CBX1: variants seen among roughly 807,000 people sequenced by gnomAD.
The protein encoded by CBX1 is chromobox 1.
Under a neutral mutation model 25.1 loss-of-function variants are expected in CBX1, and 10 were observed. The ratio of observed to expected loss-of-function variants is 0.40; its 90% CI spans 0.25 to 0.68. The LOEUF is 0.68. Among genes scored for constraint, CBX1 ranks in the 30% least tolerant of loss-of-function variants. The pLI, the probability that CBX1 is intolerant of heterozygous loss-of-function variation, is 0.40. For synonymous variants in CBX1, 63 were observed against 79.4 expected, an observed-to-expected ratio of 0.79 and a Z score of 1.10; for missense variants, 106 against 218.5, an observed-to-expected ratio of 0.49 and a Z score of 3.25.
rs545467848 is a variant in CBX1, at chr17:48,082,661, G to A, written c.-37-5620C>T. Among the ~76,000 whole-genome samples the A allele has an allele frequency of 2.6e-4, 38 of 146,732 alleles. 1 individual carries two copies. The highest frequency in any genetic ancestry group is 9.7e-4 in the African/African-American group (37 of 37,960). Reference sequence around the variant, plus strand: ...AAATGATCCTCTTCCTTAGCCTCCCGAGTAGCTGGGACTACAGATGCACAC... The same window carrying A: ...AAATGATCCTCTTCCTTAGCCTCCCAAGTAGCTGGGACTACAGATGCACAC... On this transcript the variant is annotated intron_variant, in intron 1 of 4. Transcript: ENST00000225603.
rs1225345472 is a variant in CBX1, at chr17:48,070,376, A to G, written c.*1059T>C. 1 of 152,618 alleles carries G rather than the reference A, an allele frequency of 6.6e-6. No homozygotes were observed. Among genetic ancestry groups the G allele is most frequent in the African/African-American group, 2.4e-5 (1 of 41,460 alleles). 9.5% of individuals were successfully genotyped at this position (152,618 alleles called of 1,614,324 possible). ...TTGAAATCACTAAACTCTTGGATCAATTCAGTGAAACTTGTGCTGTCAGTG... is the reference window on the plus strand; with the variant it reads ...TTGAAATCACTAAACTCTTGGATCAGTTCAGTGAAACTTGTGCTGTCAGTG... On this transcript the variant is annotated 3_prime_UTR_variant, in exon 5 of 5. Coordinates refer to ENST00000225603, the MANE Select transcript of CBX1 (RefSeq NM_001127228.2).
chr17:48,099,141 G>C (rs141459276), intron 1 of CBX1, among the ~76,000 whole-genome samples: 2 of 151,930 alleles, frequency 1.3e-5, no homozygotes, highest in Admixed American at 6.6e-5. Context: ...TCGCTCTGTT[G>C]CCCGGGCTGG....
rs564729035 is a variant in CBX1, at chr17:48,084,155, T to C, written c.-37-7114A>G. 2.3e-4 allele frequency among the ~76,000 whole-genome samples: 34 copies of C among 148,736 alleles called. No individual in the cohort carries two copies. The East Asian group carries it at 6.6e-3, about 29-fold the overall frequency. On this transcript the variant is annotated intron_variant, in intron 1 of 4. Transcript: ENST00000225603. ...CCTGGCTAATTTTTTCAATTTTTTCTGGTGGAGACAAGGTGTTCCTATGTT... is the reference window on the plus strand; with the variant it reads ...CCTGGCTAATTTTTTCAATTTTTTCCGGTGGAGACAAGGTGTTCCTATGTT...
At chr17:48,089,258 G>A (rs1368351101) in intron 1 of CBX1, among the ~76,000 whole-genome samples, 2 of 151,102 alleles carry the variant, frequency 1.3e-5, no homozygotes, top group South Asian at 2.1e-4. Context: ...CTGCCACCAC[G>A]CCCGGCTAAT....
At chr17:48,095,462 G>A (rs1361764368) in intron 1 of CBX1, among the ~76,000 whole-genome samples, 2 of 152,050 alleles carry the variant, frequency 1.3e-5, no homozygotes, top group East Asian at 1.9e-4. Context: ...GGTGGTACAC[G>A]CCTGTAATCC....
intron 1 of CBX1, among the ~76,000 whole-genome samples, chr17:48,087,300 GGT>G (rs1200607622): frequency 1.3e-5 from 2 of 152,074 alleles, no homozygotes; most frequent in Non-Finnish European, 2.9e-5. Context: ...TGCCTGCCTG[GGT>G]GTGATAGCTC....
At chr17:48,093,940 C>A (rs1274796510) in intron 1 of CBX1, among the ~76,000 whole-genome samples, 2 of 150,942 alleles carry the variant, frequency 1.3e-5, no homozygotes, top group Non-Finnish European at 1.5e-5. Flanking sequence ...ACCAACATGA[C>A]CCCATCTCTA....
At chr17:48,097,381 G>A (rs1305807997) in intron 1 of CBX1, among the ~76,000 whole-genome samples, 6 of 151,868 alleles carry the variant, frequency 4.0e-5, no homozygotes, top group African/African-American at 1.5e-4. Context: ...TTGGGTGGCC[G>A]AGGAGGGTAG....
At chr17:48,077,430 G>GT (rs1225892452) in intron 1 of CBX1, among the ~76,000 whole-genome samples, 52 of 56,402 alleles carry the variant, frequency 9.2e-4, no homozygotes, top group African/African-American at 4.1e-3. Flanking sequence ...GCTAATTTTT[G>GT]TTGTTTTTTT....
At chr17:48,083,772 C>T (rs1294491639) in intron 1 of CBX1, among the ~76,000 whole-genome samples, 6 of 149,646 alleles carry the variant, frequency 4.0e-5, no homozygotes, top group Non-Finnish European at 7.4e-5. Flanking sequence ...TACAGTGAGC[C>T]GAGATTGCGC....
At chr17:48,076,739 A>T in intron 2 of CBX1, 126 bp downstream of exon 2, 1 of 799,176 alleles carries the variant, frequency 1.3e-6, no homozygotes, top group Non-Finnish European at 2.0e-6. Context: ...ATTCCTAATT[A>T]AACAATAAGC....
At chr17:48,078,142 C>G (rs1374125653) in intron 1 of CBX1, among the ~76,000 whole-genome samples, 1 of 151,236 alleles carries the variant, frequency 6.6e-6, no homozygotes, top group Non-Finnish European at 1.5e-5. Context: ...TACTCTCTGA[C>G]TCATACTTTC....
chr17:48,096,234 A>T, intron 1 of CBX1: 1 of 394,518 alleles, frequency 2.5e-6, no homozygotes, highest in Non-Finnish European at 3.4e-6. Context: ...ATCAAAGGCT[A>T]GAATGCTGGT....
At chr17:48,082,889 G>A (rs746017279) in intron 1 of CBX1, among the ~76,000 whole-genome samples, 3 of 138,012 alleles carry the variant, frequency 2.2e-5, no homozygotes, top group East Asian at 2.1e-4. Context: ...TTTTTGAGAC[G>A]GAATTTCGCT....
intron 1 of CBX1, among the ~76,000 whole-genome samples, chr17:48,091,360 T>A (rs184036995): frequency 6.6e-6 from 1 of 152,050 alleles, no homozygotes; most frequent in Non-Finnish European, 1.5e-5. Flanking sequence ...TCAAAGTTCA[T>A]AACTGCAGAT....
chr17:48,093,958 T>C (rs1228998595), intron 1 of CBX1, among the ~76,000 whole-genome samples: 2 of 150,224 alleles, frequency 1.3e-5, no homozygotes, highest in Non-Finnish European at 3.0e-5. Flanking sequence ...CTACTAAAAA[T>C]ACAAAATGAG....
At chr17:48,101,207 C>CCCG (rs904648013) in intron 1 of CBX1, 61 bp downstream of exon 1, 188 of 989,022 alleles carry the variant, frequency 1.9e-4, no homozygotes, top group East Asian at 3.3e-4. Context: ...ACGCAGGGCT[C>CCCG]CCGCCGCCGC....
intron 1 of CBX1, among the ~76,000 whole-genome samples, chr17:48,090,990 A>T (rs1228436226): frequency 2.0e-5 from 3 of 152,258 alleles, no homozygotes; most frequent in African/African-American, 7.2e-5. Flanking sequence ...ACAGACAATA[A>T]ACAAGAAAAT....
intron 1 of CBX1, among the ~76,000 whole-genome samples, chr17:48,089,616 G>C (rs1478776341): frequency 6.7e-6 from 1 of 149,178 alleles, no homozygotes; most frequent in African/African-American, 2.5e-5. Context: ...CTGAGGTCAA[G>C]AGTTTGATAC....
Sources: allele counts gnomAD v4.1 joint callset (sites outside exome capture counted in the v4.1 genomes callset), GRCh38; gene constraint gnomAD v4.1.1; transcripts MANE v1.5; gene names NCBI Gene and HGNC (gene_info 2026-07-23, HGNC 2026-07-21).